Variants in GALM observed in about 807,000 individuals in gnomAD.
GALM encodes galactose mutarotase.
Under a neutral mutation model 37.4 loss-of-function variants are expected in GALM, and 43 were observed. That is an observed-to-expected ratio of 1.15 (90% CI 0.90 to 1.48). GALM has a LOEUF of 1.48. Among genes scored for constraint, GALM ranks in the 40% most tolerant of loss-of-function variants. The probability of loss-of-function intolerance (pLI) is 0.00; values close to 1 mark genes in which losing one functional copy is unlikely to be tolerated. For synonymous variants in GALM, 199 were observed against 170.6 expected, an observed-to-expected ratio of 1.17 and a Z score of -1.30; for missense variants, 456 against 419.1, an observed-to-expected ratio of 1.09 and a Z score of -0.77.
At position 38,684,362 on chromosome 2, in the gene GALM, C is replaced by CT. The variant is rs1308089331; in HGVS notation, c.552+2885dup. Among the ~76,000 whole-genome samples, 13 of 149,738 alleles carry CT rather than the reference C, an allele frequency of 8.7e-5. No individual in the cohort carries two copies. The East Asian group carries it at 2.3e-3, about 26-fold the overall frequency. On this transcript the variant is annotated intron_variant, in intron 3 of 6. Coordinates refer to ENST00000272252, the MANE Select transcript of GALM (RefSeq NM_138801.3). ...TGTGCCTAACACAAAACTGGGATAACTTTTTTTTTATTGAAACTTTACCTA... is the reference window on the plus strand; with the variant it reads ...TGTGCCTAACACAAAACTGGGATAACTTTTTTTTTTATTGAAACTTTACCTA...
intron 4 of GALM, among the ~76,000 whole-genome samples, chr2:38,719,858 T>TGCTCCCC (rs1666341593): frequency 6.7e-6 from 1 of 149,276 alleles, no homozygotes; most frequent in Non-Finnish European, 1.5e-5. Flanking sequence ...TGCTGCTCCC[T>TGCTCCCC]GCTCCCCTAG....
chr2:38,717,371 A>T (rs907812180), intron 4 of GALM, among the ~76,000 whole-genome samples: 1 of 151,568 alleles, frequency 6.6e-6, no homozygotes, highest in African/African-American at 2.4e-5. Flanking sequence ...GAGAGTACAC[A>T]CACTATGTGC....
intron 4 of GALM, among the ~76,000 whole-genome samples, chr2:38,718,822 G>A (rs943386265): frequency 3.3e-5 from 5 of 151,848 alleles, no homozygotes; most frequent in Non-Finnish European, 7.3e-5. Flanking sequence ...TCTTCTCAGA[G>A]AGTCAGGCAT....
chr2:38,726,087 C>T (rs1225803083), intron 4 of GALM, among the ~76,000 whole-genome samples: 1 of 152,052 alleles, frequency 6.6e-6, no homozygotes, highest in Non-Finnish European at 1.5e-5. Flanking sequence ...TAGGATTTGG[C>T]CTTTGGCTTT....
chr2:38,699,462 C>T (rs1436366609), intron 4 of GALM, among the ~76,000 whole-genome samples: 1 of 152,030 alleles, frequency 6.6e-6, no homozygotes, highest in Non-Finnish European at 1.5e-5. Flanking sequence ...TTATAGTCAC[C>T]CTATAGTGCT....
chr2:38,728,425 A>T (rs1004378458), intron 4 of GALM, among the ~76,000 whole-genome samples: 1 of 148,522 alleles, frequency 6.7e-6, no homozygotes, highest in African/African-American at 2.5e-5. Context: ...GGCTGGGTGC[A>T]GTGGCTCACG....
At chr2:38,696,572 C>G (rs1366779121) in intron 4 of GALM, among the ~76,000 whole-genome samples, 1 of 151,638 alleles carries the variant, frequency 6.6e-6, no homozygotes, top group Admixed American at 6.6e-5. Context: ...GCTAGGATTA[C>G]AGGTGCACAT....
chr2:38,723,749 C>A (rs1558596643), intron 4 of GALM, among the ~76,000 whole-genome samples: 1 of 151,720 alleles, frequency 6.6e-6, no homozygotes, highest in African/African-American at 2.4e-5. Context: ...TATGATCAAA[C>A]CACTGCACTC....
rs149046319 is a variant in GALM at position 38,700,195 on chromosome 2, G to A, written c.634+10301G>A. Among the ~76,000 whole-genome samples the A allele has an allele frequency of 9.1e-4, 139 of 152,128 alleles. No homozygotes were observed. The East Asian group carries it at 0.018, about 19-fold the overall frequency. ...TTAAACTCCTGGCCTCAAGTGATCC[G>A]CCCACCTCAGCCTCCCAACGTACTA... On this transcript the variant is annotated intron_variant, in intron 4 of 6. Transcript: ENST00000272252.
intron 6 of GALM, 31 bp from the exon 7 acceptor site, chr2:38,733,457 A>T: frequency 6.3e-7 from 1 of 1,589,626 alleles, no homozygotes; most frequent in East Asian, 2.2e-5. Flanking sequence ...CTGCGGTGTC[A>T]AGCATCACCT....
At chr2:38,710,368 A>T (rs1055621563) in intron 4 of GALM, among the ~76,000 whole-genome samples, 4 of 152,214 alleles carry the variant, frequency 2.6e-5, no homozygotes, top group African/African-American at 9.6e-5. Context: ...CTTCTGGGAC[A>T]GGATGCTTAC....
At chr2:38,698,495 C>A in intron 4 of GALM, 60 of 770,978 alleles carry the variant, frequency 7.8e-5, no homozygotes, top group Admixed American at 1.1e-4. Context: ...GTCTTCAGAG[C>A]AATTATTCTT....
rs780443266 is a variant in GALM at position 38,681,291 on chromosome 2, C to A, written c.357C>A (p.Thr119=). 6.2e-7 allele frequency: 1 copy of A among 1,613,032 alleles called. No homozygotes were observed. Among genetic ancestry groups the A allele is most frequent in the Admixed American group, 1.7e-5 (1 of 59,998 alleles). The change falls in exon 3 of 7, where the codon ACC becomes ACA. Residue 119 remains threonine, a synonymous_variant. Transcript: ENST00000272252. Reference sequence around the variant, plus strand: ...ACACTTTTTTCCAGGTGCTCTGGACCCCTCGGGTGCTGTCAAATGGCGTCC... The same window carrying A: ...ACACTTTTTTCCAGGTGCTCTGGACACCTCGGGTGCTGTCAAATGGCGTCC... ...GVRGFDKVLW[T]PRVLSNGVQF...
chr2:38,693,961 G>A (rs967883772), intron 4 of GALM, among the ~76,000 whole-genome samples: 2 of 152,148 alleles, frequency 1.3e-5, no homozygotes, highest in Non-Finnish European at 2.9e-5. Flanking sequence ...CCAAAGATTG[G>A]TTGAGCCCAG....
Position 38,672,942 on chromosome 2 carries a change from G to A in GALM, c.191-2970G>A, listed in dbSNP as rs147056034. On this transcript the variant is annotated intron_variant, in intron 1 of 6. Transcript: ENST00000272252. Reference sequence around the variant, plus strand: ...GGAGAACTGCTTGAATCCAGGAGGCGGACGTTGCAGTGAGCCAAGACCGCA... The same window carrying A: ...GGAGAACTGCTTGAATCCAGGAGGCAGACGTTGCAGTGAGCCAAGACCGCA... 4.1e-4 allele frequency among the ~76,000 whole-genome samples: 63 copies of A among 152,216 alleles called. 1 individual carries two copies. The East Asian group carries it at 0.012, about 28-fold the overall frequency.
intron 4 of GALM, among the ~76,000 whole-genome samples, chr2:38,711,869 TCAA>T (rs1365670305): frequency 1.6e-4 from 21 of 129,594 alleles, no homozygotes; most frequent in Admixed American, 4.8e-4. Context: ...ATCATCATCA[TCAA>T]CATCATCACT....
intron 4 of GALM, among the ~76,000 whole-genome samples, chr2:38,695,996 G>A (rs111345424): frequency 0.012 from 1,831 of 151,974 alleles, 36 homozygotes; most frequent in African/African-American, 0.042. Context: ...ACCACACCCC[G>A]CCTGCGTGTT....
chr2:38,682,975 T>C (rs1402292389), intron 3 of GALM, among the ~76,000 whole-genome samples: 3 of 151,876 alleles, frequency 2.0e-5, no homozygotes, highest in Non-Finnish European at 2.9e-5. Context: ...GAGGATCTAC[T>C]TCTTAAAATA....
intron 4 of GALM, among the ~76,000 whole-genome samples, chr2:38,690,268 T>C (rs560679263): frequency 1.1e-3 from 170 of 152,150 alleles, no homozygotes; most frequent in Non-Finnish European, 1.8e-3. Flanking sequence ...GGCCAGGAGT[T>C]TGAGATCAGC....
Sources: gnomAD v4.1 joint callset for allele counts (sites outside exome capture counted in the v4.1 genomes callset) on GRCh38, gnomAD v4.1.1 for gene constraint, MANE v1.5 for transcripts, NCBI Gene and HGNC (gene_info 2026-07-23, HGNC 2026-07-21) for gene names.